Variants in PCBP3 observed in about 807,000 individuals in gnomAD.
The protein encoded by PCBP3 is poly(rC) binding protein 3.
PCBP3 carries 25 observed loss-of-function variants against 52.7 expected under a neutral mutation model. The observed-to-expected ratio is 0.47, with a 90% confidence interval of 0.35 to 0.66. The LOEUF is 0.66. Ranked by LOEUF, PCBP3 falls within the 30% of genes least tolerant of loss-of-function variation. The pLI, the probability that PCBP3 is intolerant of heterozygous loss-of-function variation, is 0.01. For missense variants in PCBP3, 391 were observed against 490.3 expected (o/e 0.80, Z 1.91); for synonymous variants, 162 against 183.0 (o/e 0.89, Z 0.93).
chr21:45,657,376 T>G (rs1002391658), intron 1 of PCBP3, among the ~76,000 whole-genome samples: 1 of 152,214 alleles, frequency 6.6e-6, no homozygotes, highest in Non-Finnish European at 1.5e-5. Flanking sequence ...CTTCTGCCTG[T>G]GGCTGTCTAG....
intron 8 of PCBP3, 28 bp downstream of exon 8, chr21:45,900,651 G>C (rs764818829): frequency 7.3e-6 from 5 of 683,208 alleles, no homozygotes; most frequent in East Asian, 8.4e-5. Flanking sequence ...CCACCTGTCC[G>C]CAGCCATTCC....
At chr21:45,828,659 G>A (rs1000508193) in intron 4 of PCBP3, 14 of 152,692 alleles carry the variant, frequency 9.2e-5, no homozygotes, top group Non-Finnish European at 1.8e-4. Context: ...AAGGCGGATG[G>A]TAAATACTCA....
At chr21:45,757,450 A>G (rs559583453) in intron 4 of PCBP3, among the ~76,000 whole-genome samples, 4 of 152,290 alleles carry the variant, frequency 2.6e-5, no homozygotes, top group Admixed American at 6.5e-5. Context: ...TAAGATTGCT[A>G]TCAGTTTTCT....
chr21:45,730,803 G>A (rs1251125659), intron 2 of PCBP3, among the ~76,000 whole-genome samples: 3 of 152,070 alleles, frequency 2.0e-5, no homozygotes, highest in East Asian at 1.9e-4. Flanking sequence ...GTAATATTAT[G>A]TACCCTGAAA....
rs576407466 is a variant in PCBP3, at chr21:45,776,494, G to A, written c.-126+21042G>A. ...TTTCTCTCTCTCTCTCTCTCTCTCT[G>A]TCTGTCTCCCTCTTTAGATCTAGTA... On this transcript the variant is annotated intron_variant, in intron 4 of 17. Coordinates refer to ENST00000681687, the MANE Select transcript of PCBP3 (RefSeq NM_001384156.1). 1.8e-3 allele frequency among the ~76,000 whole-genome samples: 262 copies of A among 148,062 alleles called. 1 individual carries two copies. Among genetic ancestry groups the A allele is most frequent in the African/African-American group, 6.2e-3 (251 of 40,230 alleles).
rs2086434591 is a variant in PCBP3, at chr21:45,741,333, C to T, written c.-162+5904C>T. On this transcript the variant is annotated intron_variant, in intron 3 of 17. Coordinates refer to ENST00000681687, the MANE Select transcript of PCBP3 (RefSeq NM_001384156.1). This position sits in a 1 kb window ranked among gnomAD's most constrained non-coding sequence, Gnocchi z 4.5. ...CACTGTGAGAAGCAGAAACATTGTG[C>T]AAGAAGGGAGCTGCAGCATCAGGTG... Among the ~76,000 whole-genome samples, 1 of 152,058 alleles carries T rather than the reference C, an allele frequency of 6.6e-6. No individual in the cohort carries two copies. Among genetic ancestry groups the T allele is most frequent in the African/African-American group, 2.4e-5 (1 of 41,404 alleles).
chr21:45,898,621 C>T lies in PCBP3; in HGVS notation c.166-978C>T, dbSNP rs13046848. On this transcript the variant is annotated intron_variant, in intron 6 of 17. Coordinates refer to ENST00000681687, the MANE Select transcript of PCBP3 (RefSeq NM_001384156.1). The stretch of plus-strand genomic sequence containing the variant: ...CGGGCCCCTCTACACACCGTCCTCA[C>T]GGCCTCCCTCTCCCTCCACGGGCCC... 1.4e-4 allele frequency among the ~76,000 whole-genome samples: 16 copies of T among 113,338 alleles called. 1 individual carries two copies. Among genetic ancestry groups the T allele is most frequent in the South Asian group, 4.2e-4 (1 of 2,408 alleles). The allele number at this position is 113,338 out of a possible 152,430, so 74.4% of individuals were successfully genotyped here. A position where few individuals can be genotyped will look rare whatever the true frequency, so the allele number is the denominator to read the frequency against.
At chr21:45,739,433 GC>G (rs1353212098) in intron 3 of PCBP3, among the ~76,000 whole-genome samples, 1 of 102,932 alleles carries the variant, frequency 9.7e-6, no homozygotes, top group Non-Finnish European at 1.9e-5. Flanking sequence ...CCCCTGGATG[GC>G]CCCCCCATCT....
chr21:45,733,210 C>T (rs2145805771), intron 2 of PCBP3, among the ~76,000 whole-genome samples: 1 of 152,236 alleles, frequency 6.6e-6, no homozygotes, highest in Admixed American at 6.5e-5. Flanking sequence ...AAATACTTTT[C>T]TTGTCTCTCC....
At chr21:45,793,153 G>T (rs143658784) in intron 4 of PCBP3, among the ~76,000 whole-genome samples, 1 of 152,158 alleles carries the variant, frequency 6.6e-6, no homozygotes, top group Admixed American at 6.5e-5. Context: ...GCCGCCTTCC[G>T]GACGGAGACT....
Position 45,741,004 on chromosome 21 carries a change from G to T in PCBP3, c.-162+5575G>T, listed in dbSNP as rs2146035022. Among the ~76,000 whole-genome samples the T allele has an allele frequency of 6.6e-6, 1 of 152,342 alleles. No homozygotes were observed. The highest frequency in any genetic ancestry group is 1.9e-4 in the East Asian group (1 of 5,182). ...TTCCTCCCTGGAAGGTGACTTGGGA[G>T]CCTGCCCTGCGGTGGGGGACTGTCC... On this transcript the variant is annotated intron_variant, in intron 3 of 17. Coordinates refer to ENST00000681687, the MANE Select transcript of PCBP3 (RefSeq NM_001384156.1). The surrounding 1 kb of genome is among the most constrained non-coding windows in gnomAD (Gnocchi z 4.5).
intron 5 of PCBP3, among the ~76,000 whole-genome samples, chr21:45,877,666 G>A (rs1036922777): frequency 1.3e-5 from 2 of 152,172 alleles, no homozygotes. Context: ...TTAGCCGGGT[G>A]TGATGGTGGC....
At chr21:45,797,774 A>ATAGACCAGTGCATGGTTCCATAGAGAGAG in intron 4 of PCBP3, among the ~76,000 whole-genome samples, 1 of 210 alleles carries the variant, frequency 4.8e-3, no homozygotes, top group South Asian at 0.05. Flanking sequence ...GTGCATGTGG[A>ATAGACCAGTGCATGGTTCCATAGAGAGAG]TGAATGCATG....
At chr21:45,691,934 T>A (rs893858708) in intron 2 of PCBP3, among the ~76,000 whole-genome samples, 11 of 152,092 alleles carry the variant, frequency 7.2e-5, no homozygotes, top group Non-Finnish European at 4.4e-5. Context: ...GATGGACCAG[T>A]GAGATAGAAT....
intron 5 of PCBP3, among the ~76,000 whole-genome samples, chr21:45,865,358 A>G (rs929169808): frequency 1.1e-4 from 16 of 152,326 alleles, no homozygotes; most frequent in Admixed American, 8.5e-4. Flanking sequence ...GAGAATGCGT[A>G]CCGCTATCTC....
chr21:45,914,348 T>C, intron 12 of PCBP3: 2 of 512,536 alleles, frequency 3.9e-6, no homozygotes, highest in Non-Finnish European at 6.8e-6. Flanking sequence ...AGGCGCTTTC[T>C]AGGTGATTTT....
intron 4 of PCBP3, among the ~76,000 whole-genome samples, chr21:45,769,438 C>T (rs906140713): frequency 7.2e-5 from 11 of 152,236 alleles, no homozygotes; most frequent in Admixed American, 5.9e-4. Flanking sequence ...GGACTGTGGG[C>T]GCATCGCCTG....
intron 2 of PCBP3, among the ~76,000 whole-genome samples, chr21:45,700,603 C>CT (rs1053545804): frequency 3.3e-5 from 5 of 152,006 alleles, no homozygotes; most frequent in South Asian, 2.1e-4. Flanking sequence ...GCTAACAGAC[C>CT]TTTTTTTTCT....
chr21:45,711,109 A>G (rs2083801996), intron 2 of PCBP3, among the ~76,000 whole-genome samples: 3 of 152,210 alleles, frequency 2.0e-5, no homozygotes, highest in Admixed American at 6.5e-5. Context: ...CATTTATCCA[A>G]GGAGTCCTGG....
Sources: gnomAD v4.1 joint callset for allele counts (sites outside exome capture counted in the v4.1 genomes callset) on GRCh38, gnomAD v4.1.1 for gene constraint, Gnocchi (gnomAD v3.1) non-coding constraint, MANE v1.5 for transcripts, NCBI Gene and HGNC (gene_info 2026-07-23, HGNC 2026-07-21) for gene names.